MTUS2: variants seen among roughly 807,000 people sequenced by gnomAD.
MTUS2 encodes the protein microtubule associated scaffold protein 2.
MTUS2 carries 40 observed loss-of-function variants against 114.1 expected under a neutral mutation model. The observed-to-expected ratio is 0.35, with a 90% CI of 0.27 to 0.46. The LOEUF (loss-of-function observed/expected upper bound fraction) is 0.46, where lower values mean the gene tolerates loss of function less well. MTUS2 is among the 20% of genes least tolerant of loss of function. MTUS2 has a pLI of 1.00. For synonymous variants in MTUS2, 688 were observed against 672.0 expected (o/e 1.02, Z -0.37); for missense variants, 1,679 against 1,705.4 (o/e 0.98, Z 0.27).
chr13:28,869,567 T>C (rs1433725962), intron 2 of MTUS2, among the ~76,000 whole-genome samples: 1 of 152,060 alleles, frequency 6.6e-6, no homozygotes, highest in Non-Finnish European at 1.5e-5. Flanking sequence ...GGTCAAGAAA[T>C]AGAGACCATT....
At chr13:29,295,016 A>G (rs1486403871) in intron 6 of MTUS2, among the ~76,000 whole-genome samples, 2 of 152,178 alleles carry the variant, frequency 1.3e-5, no homozygotes, top group Admixed American at 6.5e-5. Context: ...TTCCTACACA[A>G]TGAGGCACAG....
intron 2 of MTUS2, among the ~76,000 whole-genome samples, chr13:28,844,679 T>A (rs1416939846): frequency 1.3e-5 from 2 of 152,000 alleles, no homozygotes; most frequent in Non-Finnish European, 2.9e-5. Flanking sequence ...TGCAGTGGCA[T>A]GATCTAGGCT....
intron 8 of MTUS2, among the ~76,000 whole-genome samples, chr13:29,422,648 C>CTT (rs11342823): frequency 0.018 from 1,214 of 67,956 alleles, 32 homozygotes; most frequent in African/African-American, 0.032. Flanking sequence ...GATTTCTTTT[C>CTT]TTTTTTTTTT....
chr13:28,843,392 A>C lies in MTUS2; in HGVS notation c.-243+3542A>C, dbSNP rs1213954113. ...CTGCTTTAAAATTATCCTCAAGAATAGATTGGAAGCACCGGGGTCACAAAG... is the reference window on the plus strand; with the variant it reads ...CTGCTTTAAAATTATCCTCAAGAATCGATTGGAAGCACCGGGGTCACAAAG... On this transcript the variant is annotated intron_variant, in intron 2 of 15. Transcript: ENST00000612955. Among the ~76,000 whole-genome samples, 3 of 152,196 alleles carry C rather than the reference A, an allele frequency of 2.0e-5. No individual in the cohort carries two copies. The East Asian group carries it at 5.8e-4, about 29-fold the overall frequency.
intron 2 of MTUS2, among the ~76,000 whole-genome samples, chr13:28,905,488 C>T (rs1400467864): frequency 6.6e-6 from 1 of 151,528 alleles, no homozygotes; most frequent in Non-Finnish European, 1.5e-5. Context: ...TGTCAAAGGC[C>T]TTTTCTGCAT....
chr13:29,276,369 A>G (rs1898063162), intron 5 of MTUS2, among the ~76,000 whole-genome samples: 1 of 152,178 alleles, frequency 6.6e-6, no homozygotes, highest in South Asian at 2.1e-4. Context: ...TACTCTAATG[A>G]AGGGATCTTA....
chr13:29,100,715 T>C, intron 4 of MTUS2, 58 bp from the exon 5 acceptor site: 1 of 1,523,502 alleles, frequency 6.6e-7, no homozygotes, highest in Non-Finnish European at 8.9e-7. Context: ...ATCTGTAGAA[T>C]TCATTATCTC....
intron 9 of MTUS2, among the ~76,000 whole-genome samples, chr13:29,475,638 C>G (rs988014992): frequency 6.6e-6 from 1 of 150,456 alleles, no homozygotes; most frequent in East Asian, 2.0e-4. Flanking sequence ...TAGTTTTTAA[C>G]AAAAAAGCTT....
intron 5 of MTUS2, among the ~76,000 whole-genome samples, chr13:29,229,934 G>A (rs1057508535): frequency 1.3e-5 from 2 of 152,150 alleles, no homozygotes; most frequent in Non-Finnish European, 2.9e-5. Flanking sequence ...ACAATGTATA[G>A]CATTCGACTT....
chr13:29,025,596 C>G lies in MTUS2; in HGVS notation c.898C>G (p.Gln300Glu). The G allele has an allele frequency of 1.1e-5, 18 of 1,613,954 alleles. No homozygotes were observed. Among genetic ancestry groups the G allele is most frequent in the Non-Finnish European group, 1.4e-5 (17 of 1,179,888 alleles). ...GGAAATCCCAAGTAAACTGGAAGCA[C>G]AATTAGGTCAGGGAAAGGGAGAGGC... is the stretch of plus-strand genomic sequence containing the variant. ...SKEIPSKLEAQLGQGKGEAKL... is the reference protein window; with the variant it reads ...SKEIPSKLEAELGQGKGEAKL... The change falls in exon 3 of 16, where the codon CAA (glutamine) becomes GAA (glutamate). Residue 300 changes from glutamine to glutamate, a missense_variant. Physicochemically the swap from Gln to Glu is conservative, Grantham distance 29. Around this residue, in one of 3 missense-constraint regions of MTUS2, gnomAD observed 843 missense variants for 770.8 expected, o/e 1.09. Transcript: ENST00000612955.
rs375414384 is a variant in MTUS2 at position 28,892,935 on chromosome 13, A to AT, written c.-243+53094dup. ...CAAAGAAGTCTTCATGGTGGGAATG[A>AT]TTTTTTTTTAGCATGTGGAATTTAG... On this transcript the variant is annotated intron_variant, in intron 2 of 15. Transcript: ENST00000612955. Among the ~76,000 whole-genome samples the AT allele has an allele frequency of 8.0e-3, 1,217 of 151,780 alleles. 8 individuals carry two copies. The highest frequency in any genetic ancestry group is 0.037 in the Middle Eastern group (11 of 294).
chr13:29,052,060 A>G (rs756873144), intron 4 of MTUS2, among the ~76,000 whole-genome samples: 3 of 152,332 alleles, frequency 2.0e-5, no homozygotes, highest in Admixed American at 6.5e-5. Context: ...GCTGTCCCCA[A>G]ATGTGTTCGG....
intron 5 of MTUS2, among the ~76,000 whole-genome samples, chr13:29,178,505 G>A (rs375396381): frequency 4.0e-5 from 6 of 151,896 alleles, no homozygotes; most frequent in Admixed American, 6.6e-5. Flanking sequence ...ATAATTCTTC[G>A]CTGTTGGGGG....
chr13:29,315,260 G>A (rs1008463224), intron 6 of MTUS2, among the ~76,000 whole-genome samples: 3 of 152,108 alleles, frequency 2.0e-5, no homozygotes, highest in African/African-American at 7.2e-5. Flanking sequence ...AAAACTGTAG[G>A]GTGACTCTAG....
At position 28,993,250 on chromosome 13, in the gene MTUS2, C is replaced by A. The variant is rs551890300; in HGVS notation, c.-242-31207C>A. 7.9e-5 allele frequency among the ~76,000 whole-genome samples: 12 copies of A among 152,168 alleles called. No individual in the cohort carries two copies. In the South Asian group the frequency reaches 2.5e-3, roughly 32 times the overall value. ...TGATTTCAATTCTTTTTGTGTATAC[C>A]TAGAAGTGGGATTGCTGGATCATGT... On this transcript the variant is annotated intron_variant, in intron 2 of 15. Transcript: ENST00000612955.
chr13:29,047,513 T>C (rs1278271307), intron 4 of MTUS2, among the ~76,000 whole-genome samples: 1 of 58,720 alleles, frequency 1.7e-5, no homozygotes, highest in Non-Finnish European at 3.4e-5. Context: ...AAATTTACTC[T>C]TTTTTTTTTT....
intron 2 of MTUS2, among the ~76,000 whole-genome samples, chr13:28,845,765 C>A (rs1368834919): frequency 6.6e-6 from 1 of 151,714 alleles, no homozygotes; most frequent in Non-Finnish European, 1.5e-5. Flanking sequence ...ACTTTGGTGA[C>A]ACTCTGGGTC....
intron 11 of MTUS2, among the ~76,000 whole-genome samples, chr13:29,492,143 GGTGT>G (rs1882197104): frequency 9.0e-5 from 3 of 33,490 alleles, no homozygotes; most frequent in Admixed American, 5.0e-4. Context: ...GTGTGTGGTA[GGTGT>G]GTATGTGTGT....
intron 2 of MTUS2, among the ~76,000 whole-genome samples, chr13:28,923,591 C>G (rs34561425): frequency 6.6e-6 from 1 of 152,164 alleles, no homozygotes; most frequent in Non-Finnish European, 1.5e-5. Context: ...GACGCCTTGC[C>G]CCTCTAGACG....
Sources: gnomAD v4.1 joint callset for allele counts (sites outside exome capture counted in the v4.1 genomes callset) on GRCh38, gnomAD v4.1.1 for gene constraint, gnomAD v4.1.1 regional missense constraint, MANE v1.5 for transcripts, NCBI Gene and HGNC (gene_info 2026-07-23, HGNC 2026-07-21) for gene names.